Variants in MRTFB observed in about 807,000 individuals in gnomAD.
MRTFB encodes myocardin related transcription factor B, also known as myocardin-related transcription factor B.
In MRTFB, 29 loss-of-function variants were observed where a neutral mutation model predicts 104.2. That is an observed-to-expected ratio of 0.28 (90% confidence interval 0.21 to 0.38). MRTFB has a LOEUF of 0.38. Ranked by LOEUF, MRTFB falls within the 10% of genes least tolerant of loss-of-function variation. MRTFB has a pLI of 1.00. For synonymous variants in MRTFB, 535 were observed against 519.5 expected (o/e 1.03, Z -0.41); for missense variants, 1,270 against 1,341.6 (o/e 0.95, Z 0.83).
At chr16:14,131,889 C>T (rs2037459132) in intron 2 of MRTFB, among the ~76,000 whole-genome samples, 1 of 152,070 alleles carries the variant, frequency 6.6e-6, no homozygotes, top group Non-Finnish European at 1.5e-5. Context: ...CAAATGGTTA[C>T]ACACAGACTT....
the MRTFB span, among the ~76,000 whole-genome samples, chr16:14,053,755 G>A: frequency 2.0e-5 from 3 of 151,860 alleles, no homozygotes; most frequent in South Asian, 6.3e-4. Context: ...AAATAGTTAG[G>A]TGTGGTGGAG....
intron 2 of MRTFB, among the ~76,000 whole-genome samples, chr16:14,098,194 A>T (rs2035501301): frequency 6.6e-6 from 1 of 151,966 alleles, no homozygotes; most frequent in African/African-American, 2.4e-5. Flanking sequence ...TTCCTTTTAT[A>T]TTCCCAACTG....
At chr16:14,239,601 A>T (rs2042674094) in intron 9 of MRTFB, among the ~76,000 whole-genome samples, 1 of 152,216 alleles carries the variant, frequency 6.6e-6, no homozygotes. Context: ...CTGATAACTT[A>T]AAAACTGAGA....
At chr16:14,216,375 A>G (rs965836504) in intron 6 of MRTFB, among the ~76,000 whole-genome samples, 2 of 152,212 alleles carry the variant, frequency 1.3e-5, no homozygotes, top group Admixed American at 6.5e-5. Context: ...ATCATTTCTA[A>G]ACATTTTTTA....
At chr16:14,204,674 A>G (rs866735614) in intron 3 of MRTFB, among the ~76,000 whole-genome samples, 3 of 152,208 alleles carry the variant, frequency 2.0e-5, no homozygotes, top group Admixed American at 1.3e-4. Flanking sequence ...GTAATAGAAA[A>G]CTGTAAATGT....
chr16:14,005,314 G>C, the MRTFB span, among the ~76,000 whole-genome samples: 4 of 152,210 alleles, frequency 2.6e-5, no homozygotes, highest in African/African-American at 9.6e-5. Flanking sequence ...CTTAAAGTCA[G>C]TTCTACTCAG....
chr16:14,121,001 T>C (rs1364231041), intron 2 of MRTFB, among the ~76,000 whole-genome samples: 4 of 152,212 alleles, frequency 2.6e-5, no homozygotes, highest in Non-Finnish European at 5.9e-5. Flanking sequence ...TAAACTCATA[T>C]ATATGTATAG....
At chr16:14,215,398 A>G (rs997062827) in intron 6 of MRTFB, among the ~76,000 whole-genome samples, 4 of 152,208 alleles carry the variant, frequency 2.6e-5, no homozygotes, top group Admixed American at 6.5e-5. Flanking sequence ...TTGGCAGGCA[A>G]GGGTCTAAGT....
rs2151435883 is a variant in MRTFB, at chr16:14,252,521, A to G, written c.2703+19A>G. On this transcript the variant is annotated intron_variant, in intron 15 of 16. Coordinates refer to ENST00000571589, the MANE Select transcript of MRTFB (RefSeq NM_001308142.2). ...GCCAGAGGTAAGTGAGGGCACGGTCATGGTGCATAAGGCTATGGTGGATGT... is the reference window on the plus strand; with the variant it reads ...GCCAGAGGTAAGTGAGGGCACGGTCGTGGTGCATAAGGCTATGGTGGATGT... 6.2e-7 allele frequency: 1 copy of G among 1,613,836 alleles called. No individual in the cohort carries two copies.
chr16:14,256,941 T>G (rs900827003), intron 15 of MRTFB, among the ~76,000 whole-genome samples: 1 of 152,200 alleles, frequency 6.6e-6, no homozygotes, highest in Non-Finnish European at 1.5e-5. Context: ...TTTGAACAGA[T>G]ATTTTCCCAA....
intron 2 of MRTFB, among the ~76,000 whole-genome samples, chr16:14,095,295 C>G (rs2035298869): frequency 6.6e-6 from 1 of 152,126 alleles, no homozygotes; most frequent in Non-Finnish European, 1.5e-5. Context: ...AAGTGTGGTT[C>G]CACTTGGGGC....
chr16:14,146,501 A>C (rs1465488362), intron 3 of MRTFB, among the ~76,000 whole-genome samples: 1 of 152,210 alleles, frequency 6.6e-6, no homozygotes, highest in African/African-American at 2.4e-5. Context: ...ATGATCACTT[A>C]CTAGAGAGAA....
At chr16:14,186,865 A>G in intron 3 of MRTFB, 1 of 1,597,402 alleles carries the variant, frequency 6.3e-7, no homozygotes, top group East Asian at 2.2e-5. Flanking sequence ...TCTTCTGCAA[A>G]TTAAGCTTTT....
intron 2 of MRTFB, among the ~76,000 whole-genome samples, chr16:14,082,104 A>G (rs190454790): frequency 6.6e-6 from 1 of 152,320 alleles, no homozygotes; most frequent in East Asian, 1.9e-4. Flanking sequence ...CATATCTAAA[A>G]ATCATTGTCC....
chr16:14,019,581 T>C, the MRTFB span: 4 of 152,208 alleles, frequency 2.6e-5, no homozygotes, highest in African/African-American at 9.7e-5. Context: ...GCTCTGTACA[T>C]CCTCAAACCT....
At chr16:14,191,049 G>A (rs1459708821) in intron 3 of MRTFB, among the ~76,000 whole-genome samples, 5 of 152,124 alleles carry the variant, frequency 3.3e-5, no homozygotes, top group African/African-American at 9.7e-5. Context: ...ATCCAACCTG[G>A]AAATACATCG....
the MRTFB span, among the ~76,000 whole-genome samples, chr16:14,035,701 A>T: frequency 1.3e-5 from 2 of 151,194 alleles, no homozygotes; most frequent in Non-Finnish European, 3.0e-5. Flanking sequence ...TCTTTCTTTT[A>T]AAAAAAAATG....
intron 2 of MRTFB, among the ~76,000 whole-genome samples, chr16:14,102,469 G>A (rs2035754649): frequency 6.6e-6 from 1 of 152,070 alleles, no homozygotes; most frequent in Non-Finnish European, 1.5e-5. Flanking sequence ...TTTTGGGTAG[G>A]GAACCATTTT....
At chr16:14,086,503 C>G (rs2034711745) in intron 2 of MRTFB, among the ~76,000 whole-genome samples, 1 of 152,152 alleles carries the variant, frequency 6.6e-6, no homozygotes, top group South Asian at 2.1e-4. Flanking sequence ...TGTAGGCAGA[C>G]TTGAAATAAT....
Sources: allele counts gnomAD v4.1 joint callset (sites outside exome capture counted in the v4.1 genomes callset), GRCh38; gene constraint gnomAD v4.1.1; transcripts MANE v1.5; gene names NCBI Gene and HGNC (gene_info 2026-07-23, HGNC 2026-07-21).